The following KLHDC4 variants were observed in gnomAD, a reference collection of about 807,000 sequenced individuals.
KLHDC4 encodes kelch domain containing 4.
Under a neutral mutation model 62.4 loss-of-function variants are expected in KLHDC4, and 90 were observed. The ratio of observed to expected loss-of-function variants is 1.44; its 90% CI spans 1.22 to 1.72. KLHDC4 has a LOEUF of 1.72. Among genes scored for constraint, KLHDC4 ranks in the 40% most tolerant of loss-of-function variants. The pLI, the probability that KLHDC4 is intolerant of heterozygous loss-of-function variation, is 0.00. For synonymous variants in KLHDC4, 386 were observed against 284.4 expected, an observed-to-expected ratio of 1.36 and a Z score of -3.59; for missense variants, 1,025 against 699.7, an observed-to-expected ratio of 1.47 and a Z score of -5.25.
At chr16:87,718,300 T>TCCCCCC (rs1159594916) in intron 7 of KLHDC4, among the ~76,000 whole-genome samples, 2 of 70,674 alleles carry the variant, frequency 2.8e-5, no homozygotes, top group African/African-American at 6.1e-5. Flanking sequence ...CCTCTCCCTC[T>TCCCCCC]CCCTCCCCCT....
rs371149160 is a variant in KLHDC4 at position 87,709,671 on chromosome 16, T to C, written c.1045-4A>G. ...TCTTCTTTTCAGACTTGGGTCCCTA[T>C]TAATAGACCGAGGAAGCAGAGAGCA... On this transcript the variant is annotated splice_region_variant and splice_polypyrimidine_tract_variant and intron_variant, in intron 9 of 11. Coordinates refer to ENST00000270583, the MANE Select transcript of KLHDC4 (RefSeq NM_017566.4). 1.9e-6 allele frequency: 3 copies of C among 1,582,302 alleles called. No individual in the cohort carries two copies. Among genetic ancestry groups the C allele is most frequent in the Admixed American group, 3.6e-5 (2 of 55,940 alleles).
exon 1 of KLHDC4, chr16:87,701,264 A>G (rs1036278159): frequency 8.7e-6 from 2 of 230,044 alleles, no homozygotes; most frequent in South Asian, 1.2e-4. Context: ...TGCAGACGGG[A>G]AGTCAACGCC....
chr16:87,745,734 G>A (rs947552683), intron 5 of KLHDC4, among the ~76,000 whole-genome samples: 32 of 152,278 alleles, frequency 2.1e-4, no homozygotes, highest in South Asian at 2.1e-4. Context: ...CAGTCAAGGC[G>A]CCTGGTGTTT....
intron 4 of KLHDC4, among the ~76,000 whole-genome samples, chr16:87,752,875 G>C (rs1006971782): frequency 6.6e-6 from 1 of 152,218 alleles, no homozygotes; most frequent in African/African-American, 2.4e-5. Context: ...CCTGTACCAC[G>C]TTAGCTCCGC....
At chr16:87,728,379 T>C (rs1315817031) in intron 6 of KLHDC4, among the ~76,000 whole-genome samples, 1 of 152,240 alleles carries the variant, frequency 6.6e-6, no homozygotes, top group African/African-American at 2.4e-5. Flanking sequence ...AGTACAAAGA[T>C]TCTACTTTGC....
intron 5 of KLHDC4, among the ~76,000 whole-genome samples, chr16:87,733,319 CAG>C (rs1281857674): frequency 5.3e-5 from 8 of 152,222 alleles, no homozygotes; most frequent in African/African-American, 1.7e-4. Context: ...ACAAAACAGA[CAG>C]GGGTGGTGAG....
intron 4 of KLHDC4, among the ~76,000 whole-genome samples, chr16:87,751,842 G>C (rs1387011518): frequency 6.6e-6 from 1 of 152,008 alleles, no homozygotes. Flanking sequence ...GGGAGGCCGA[G>C]GCGGGCGGAT....
downstream of KLHDC4, among the ~76,000 whole-genome samples, chr16:87,707,586 G>A (rs1391182693): frequency 2.0e-5 from 3 of 152,298 alleles, no homozygotes; most frequent in African/African-American, 4.8e-5. Context: ...GAATATGGAT[G>A]GGCAGTCAGG....
intron 7 of KLHDC4, among the ~76,000 whole-genome samples, chr16:87,722,677 G>A (rs1597488499): frequency 6.6e-6 from 1 of 152,260 alleles, no homozygotes; most frequent in Non-Finnish European, 1.5e-5. Flanking sequence ...GACACGCAGG[G>A]GGATGGAAAC....
At chr16:87,763,885 G>C (rs544230066) in intron 1 of KLHDC4, among the ~76,000 whole-genome samples, 1 of 152,290 alleles carries the variant, frequency 6.6e-6, no homozygotes, top group South Asian at 2.1e-4. Context: ...CTGAAAAGAC[G>C]ACTCAGACGG....
chr16:87,755,546 TCTC>T (rs1231437011), intron 3 of KLHDC4: 2 of 292,678 alleles, frequency 6.8e-6, no homozygotes, highest in African/African-American at 2.2e-5. Flanking sequence ...GACTGGTCAT[TCTC>T]CTAATTCCAG....
chr16:87,711,103 C>G (rs1308782645), intron 9 of KLHDC4, 132 bp downstream of exon 9: 2 of 798,814 alleles, frequency 2.5e-6, no homozygotes, highest in East Asian at 5.2e-5. Flanking sequence ...GAGACGGAAC[C>G]CTCGCCCCTC....
At chr16:87,753,542 G>A (rs190515025) in intron 4 of KLHDC4, among the ~76,000 whole-genome samples, 1 of 151,024 alleles carries the variant, frequency 6.6e-6, no homozygotes, top group African/African-American at 2.5e-5. Context: ...GCTCACGCCT[G>A]TAATCTCAGC....
At chr16:87,709,224 T>C in intron 10 of KLHDC4, 41 bp downstream of exon 10, 2 of 1,580,162 alleles carry the variant, frequency 1.3e-6, no homozygotes, top group Non-Finnish European at 1.7e-6. Context: ...GACCGTGGGC[T>C]CTCGCTCCCG....
At chr16:87,722,988 G>T (rs1567702583) in intron 7 of KLHDC4, among the ~76,000 whole-genome samples, 1 of 152,228 alleles carries the variant, frequency 6.6e-6, no homozygotes, top group Non-Finnish European at 1.5e-5. Flanking sequence ...AGTGTGTGGG[G>T]TCTTCTCTGG....
At chr16:87,757,623 C>T (rs997224550) in intron 2 of KLHDC4, among the ~76,000 whole-genome samples, 6 of 152,068 alleles carry the variant, frequency 3.9e-5, no homozygotes, top group African/African-American at 7.2e-5. Flanking sequence ...GGCCCGGTGG[C>T]TCACACTTGT....
At chr16:87,722,129 C>T (rs541128976) in intron 7 of KLHDC4, among the ~76,000 whole-genome samples, 158 of 152,332 alleles carry the variant, frequency 1.0e-3, no homozygotes, top group African/African-American at 3.7e-3. Context: ...GTGAATGCTG[C>T]TGGGTCTGCT....
downstream of KLHDC4, among the ~76,000 whole-genome samples, chr16:87,707,229 C>T (rs550314839): frequency 6.3e-4 from 96 of 152,344 alleles, no homozygotes; most frequent in African/African-American, 3.4e-4. Context: ...GCAAGGAGGC[C>T]GCAGCGCTGA....
chr16:87,733,397 G>C (rs999975675), intron 5 of KLHDC4, among the ~76,000 whole-genome samples: 3 of 152,232 alleles, frequency 2.0e-5, no homozygotes, highest in African/African-American at 7.2e-5. Flanking sequence ...CAGATGTGCA[G>C]GGCGCCCAGG....
Sources: gnomAD v4.1 joint callset for allele counts (sites outside exome capture counted in the v4.1 genomes callset) on GRCh38, gnomAD v4.1.1 for gene constraint, MANE v1.5 for transcripts, NCBI Gene and HGNC (gene_info 2026-07-23, HGNC 2026-07-21) for gene names.